Variants in BTN2A2 observed in about 807,000 individuals in gnomAD.
BTN2A2 encodes the protein butyrophilin subfamily 2 member A2, also known as butyrophilin 2.
Under a neutral mutation model 34.7 loss-of-function variants are expected in BTN2A2, and 29 were observed. That is an observed-to-expected ratio of 0.84 (90% confidence interval 0.62 to 1.14). The LOEUF is 1.14. Among genes scored for constraint, BTN2A2 ranks in the 50% most tolerant of loss-of-function variants. The probability of loss-of-function intolerance (pLI) is 0.00; values close to 1 mark genes in which losing one functional copy is unlikely to be tolerated. For missense variants in BTN2A2, 612 were observed against 651.5 expected (o/e 0.94, Z 0.66); for synonymous variants, 240 against 253.1 (o/e 0.95, Z 0.49).
At chr6:26,385,521 G>A (rs550441521) in intron 3 of BTN2A2, 159 bp downstream of exon 3, 14 of 665,032 alleles carry the variant, frequency 2.1e-5, no homozygotes, top group South Asian at 4.0e-5. Flanking sequence ...CACATGAGTG[G>A]GTTTGCCCTG....
In BTN2A2 at chr6:26,393,432, G is replaced by A; in HGVS notation, c.*465G>A. ...CCAGATATGCAGATCAGAGATAGAG[G>A]AAGTGGAACCAGAGAGCTGGGAGGG... On this transcript the variant is annotated 3_prime_UTR_variant, in exon 8 of 8. Coordinates refer to ENST00000356709, the MANE Select transcript of BTN2A2 (RefSeq NM_006995.5). The A allele has an allele frequency of 2.8e-6, 3 of 1,088,016 alleles. No individual in the cohort carries two copies. The highest frequency in any genetic ancestry group is 3.4e-6 in the Non-Finnish European group (3 of 892,102). 67.4% of individuals were successfully genotyped at this position (1,088,016 alleles called of 1,614,324 possible).
chr6:26,390,580 ATGT>A, intron 5 of BTN2A2, 104 bp from the exon 6 acceptor site: 1 of 1,359,914 alleles, frequency 7.4e-7, no homozygotes, highest in Non-Finnish European at 1.0e-6. Flanking sequence ...ACGAAGGGTG[ATGT>A]TGGTGTTCAT....
In BTN2A2 at chr6:26,383,918, A is replaced by G. The variant is rs1462264085; in HGVS notation, c.94+3A>G. On this transcript the variant is annotated splice_donor_region_variant and intron_variant, in intron 2 of 7. Coordinates refer to ENST00000356709, the MANE Select transcript of BTN2A2 (RefSeq NM_006995.5). The surrounding 1 kb of genome is among the most constrained non-coding windows in gnomAD (Gnocchi z 4.4). ...CAGCCTGTGTGCACTGGTCTCAGGT[A>G]GGGATGTGTGTCACTTGCTGCTGTC... is the stretch of plus-strand genomic sequence containing the variant. 6.2e-7 allele frequency: 1 copy of G among 1,613,086 alleles called. No individual in the cohort carries two copies. The highest frequency in any genetic ancestry group is 8.5e-7 in the Non-Finnish European group (1 of 1,179,102).
At position 26,385,216 on chromosome 6, in the gene BTN2A2, G is replaced by A. The variant is rs1307252930; in HGVS notation, c.296G>A (p.Arg99Lys). The A allele has an allele frequency of 1.2e-6, 2 of 1,614,134 alleles. No homozygotes were observed. The highest frequency in any genetic ancestry group is 1.7e-6 in the Non-Finnish European group (2 of 1,180,030). Residue 99 changes from arginine (R) to lysine (K), a missense_variant, in exon 3 of 8, where the codon AGA becomes AAA. By Grantham distance (26) the Arg-to-Lys change is conservative. Coordinates refer to ENST00000356709, the MANE Select transcript of BTN2A2 (RefSeq NM_006995.5). ...TEEQMEEYRG[R>K]ITFVSKDINR... ...GAGCAGATGGAGGAGTACCGGGGAA[G>A]AATCACCTTTGTGAGCAAAGACATC...
chr6:26,394,363 G>A lies in BTN2A2; in HGVS notation c.*1396G>A, dbSNP rs567114796. 114 of 697,598 alleles carry A rather than the reference G, an allele frequency of 1.6e-4. 1 individual carries two copies. In the South Asian group the frequency reaches 1.6e-3, roughly 10 times the overall value. 43.2% of individuals were successfully genotyped at this position (697,598 alleles called of 1,614,324 possible). On this transcript the variant is annotated 3_prime_UTR_variant, in exon 8 of 8. Coordinates refer to ENST00000356709, the MANE Select transcript of BTN2A2 (RefSeq NM_006995.5). ...TACAACATTATTTCTGGGTGTGTCT[G>A]TGAGTGTGTTTCCAGAAGAGATTGG...
At position 26,388,248 on chromosome 6, in the gene BTN2A2, C is replaced by T. The variant is rs773031451; in HGVS notation, c.678C>T (p.Asn226=). Residue 226 remains asparagine, a synonymous_variant, in exon 4 of 8, where the codon AAC becomes AAT. Transcript: ENST00000356709. ...KYVRNVSCSV[N]NTLLGQEKET... ...TGAGGAATGTGTCCTGCTCTGTCAA[C>T]AACACCCTGCTCGGCCAGGAGAAGG... 1 of 1,614,216 alleles carries T rather than the reference C, an allele frequency of 6.2e-7. No homozygotes were observed. The highest frequency in any genetic ancestry group is 1.1e-5 in the South Asian group (1 of 91,088).
At position 26,392,681 on chromosome 6, in the gene BTN2A2, C is replaced by T; in HGVS notation, c.1286C>T (p.Ala429Val). The T allele has an allele frequency of 6.2e-7, 1 of 1,614,174 alleles. No homozygotes were observed. Among genetic ancestry groups the T allele is most frequent in the Non-Finnish European group, 8.5e-7 (1 of 1,180,018 alleles). ...TLEMFGNQYR[A>V]LSSPERILPL... ...GAGATGTTTGGAAACCAATACCGGG[C>T]CCTGTCCTCCCCTGAGAGGATTCTC... The change falls in exon 8 of 8, where the codon GCC (alanine) becomes GTC (valine). Residue 429 changes from alanine (A) to valine (V), a missense_variant. Coordinates refer to ENST00000356709, the MANE Select transcript of BTN2A2 (RefSeq NM_006995.5).
chr6:26,389,867 C>T lies in BTN2A2; in HGVS notation c.725-138C>T, dbSNP rs375255986. 2.1e-4 allele frequency: 171 copies of T among 806,728 alleles called. 1 individual carries two copies. In the African/African-American group the frequency reaches 2.6e-3, roughly 12 times the overall value. 50.0% of individuals were successfully genotyped at this position (806,728 alleles called of 1,614,324 possible). A position where few individuals can be genotyped will look rare whatever the true frequency, so the allele number is the denominator to read the frequency against. On this transcript the variant is annotated intron_variant, in intron 4 of 7. Transcript: ENST00000356709. Reference sequence around the variant, plus strand: ...GTGTCAGCCAGTGTTGAGCCAGCATCGCTTTCTCCATCTAAGGTTTCTGAG... The same window carrying T: ...GTGTCAGCCAGTGTTGAGCCAGCATTGCTTTCTCCATCTAAGGTTTCTGAG...
At position 26,394,051 on chromosome 6, in the gene BTN2A2, A is replaced by T; in HGVS notation, c.*1084A>T. 1 of 400,980 alleles carries T rather than the reference A, an allele frequency of 2.5e-6. No individual in the cohort carries two copies. The highest frequency in any genetic ancestry group is 4.4e-6 in the Non-Finnish European group (1 of 226,582). The allele number at this position is 400,980 out of a possible 1,614,324, so 24.8% of individuals were successfully genotyped here. Reference sequence around the variant, plus strand: ...CTTAATAAGAGATATTTGTATTATCATATCTGCCTTTGTATTAAACCTATT... The same window carrying T: ...CTTAATAAGAGATATTTGTATTATCTTATCTGCCTTTGTATTAAACCTATT... On this transcript the variant is annotated 3_prime_UTR_variant, in exon 8 of 8. Transcript: ENST00000356709.
Position 26,383,298 on chromosome 6 carries a change from A to T in BTN2A2, c.-31+117A>T, listed in dbSNP as rs1351837143. ...AGGATCAGAGGGGAAAAGAAAACAG[A>T]GGTTAGTTCTAGAAGGTAGGAAAGG... is the stretch of plus-strand genomic sequence containing the variant. On this transcript the variant is annotated intron_variant, in intron 1 of 7. Transcript: ENST00000356709. The surrounding 1 kb of genome is among the most constrained non-coding windows in gnomAD (Gnocchi z 4.4). The T allele has an allele frequency of 1.2e-5, 1 of 86,590 alleles. No homozygotes were observed. Among genetic ancestry groups the T allele is most frequent in the African/African-American group, 1.4e-4 (1 of 7,014 alleles). 5.4% of individuals were successfully genotyped at this position (86,590 alleles called of 1,614,324 possible). A position where few individuals can be genotyped will look rare whatever the true frequency, so the allele number is the denominator to read the frequency against.
intron 3 of BTN2A2, chr6:26,385,574 A>T (rs1162002664): frequency 4.5e-5 from 24 of 535,744 alleles, no homozygotes; most frequent in Non-Finnish European, 7.9e-5. Flanking sequence ...TTTTCAAGAC[A>T]GAGTCTTGCT....
intron 3 of BTN2A2, 88 bp from the exon 4 acceptor site, chr6:26,387,925 C>A: frequency 7.1e-7 from 1 of 1,405,986 alleles, no homozygotes; most frequent in Non-Finnish European, 9.7e-7. Context: ...TCTCCAAAAC[C>A]AAGGGTCTTT....
Position 26,387,032 on chromosome 6 carries a change from C to A in BTN2A2, c.443-981C>A, listed in dbSNP as rs1054075394. ...GAGAAGTTTGGATGATCACGCATGG[C>A]TGAAGGGTCTCCCAGGACCATGCTT... On this transcript the variant is annotated intron_variant, in intron 3 of 7. Coordinates refer to ENST00000356709, the MANE Select transcript of BTN2A2 (RefSeq NM_006995.5). Among the ~76,000 whole-genome samples, 4 of 152,236 alleles carry A rather than the reference C, an allele frequency of 2.6e-5. No homozygotes were observed. In the South Asian group the frequency reaches 8.3e-4, roughly 32 times the overall value.
rs770311247 is a variant in BTN2A2 at position 26,385,335 on chromosome 6, G to A, written c.415G>A (p.Glu139Lys). The A allele has an allele frequency of 3.1e-6, 5 of 1,613,872 alleles. No individual in the cohort carries two copies. The highest frequency in any genetic ancestry group is 4.2e-6 in the Non-Finnish European group (5 of 1,179,830). Reference protein sequence around the residue: ...CYFQEGRSYDEAILRLVVAGL... With the variant: ...CYFQEGRSYDKAILRLVVAGL... ...CTTCCAAGAAGGCAGGTCCTACGAT[G>A]AGGCCATCCTACGCCTCGTGGTGGC... Residue 139 changes from glutamate (E) to lysine (K), a missense_variant, in exon 3 of 8, where the codon GAG (glutamate) becomes AAG (lysine). By Grantham distance (56) the Glu-to-Lys change is moderately conservative. Transcript: ENST00000356709.
At position 26,384,941 on chromosome 6, in the gene BTN2A2, T is replaced by C; in HGVS notation, c.95-74T>C. On this transcript the variant is annotated intron_variant, in intron 2 of 7. Coordinates refer to ENST00000356709, the MANE Select transcript of BTN2A2 (RefSeq NM_006995.5). The surrounding 1 kb of genome is among the most constrained non-coding windows in gnomAD (Gnocchi z 4.0). ...GGAGTTTTTTTTGTTTGTTTGTTTT[T>C]GTTTTTTGTTTTTTGTTTTGCCTTA... 7.2e-7 allele frequency: 1 copy of C among 1,396,312 alleles called. No homozygotes were observed. Among genetic ancestry groups the C allele is most frequent in the Non-Finnish European group, 9.6e-7 (1 of 1,044,656 alleles). 86.5% of individuals were successfully genotyped at this position (1,396,312 alleles called of 1,614,324 possible).
rs1398563056 is a variant in BTN2A2, at chr6:26,384,967, G to C, written c.95-48G>C. ...GTTTTTTGTTTTTTGTTTTGCCTTAGAGTTGTGATAACTGGCATCCTTGTC... is the reference window on the plus strand; with the variant it reads ...GTTTTTTGTTTTTTGTTTTGCCTTACAGTTGTGATAACTGGCATCCTTGTC... On this transcript the variant is annotated intron_variant, in intron 2 of 7. Coordinates refer to ENST00000356709, the MANE Select transcript of BTN2A2 (RefSeq NM_006995.5). The surrounding 1 kb of genome is among the most constrained non-coding windows in gnomAD (Gnocchi z 4.0). The C allele has an allele frequency of 6.4e-7, 1 of 1,566,186 alleles. No individual in the cohort carries two copies. The highest frequency in any genetic ancestry group is 8.7e-7 in the Non-Finnish European group (1 of 1,146,798).
rs73736235 is a variant in BTN2A2, at chr6:26,384,982, G to T, written c.95-33G>T. On this transcript the variant is annotated intron_variant, in intron 2 of 7. Coordinates refer to ENST00000356709, the MANE Select transcript of BTN2A2 (RefSeq NM_006995.5). This position sits in a 1 kb window ranked among gnomAD's most constrained non-coding sequence, Gnocchi z 4.0. Reference sequence around the variant, plus strand: ...TTTTGCCTTAGAGTTGTGATAACTGGCATCCTTGTCTGATTCTGCCCTTGT... The same window carrying T: ...TTTTGCCTTAGAGTTGTGATAACTGTCATCCTTGTCTGATTCTGCCCTTGT... 1.3e-6 allele frequency: 2 copies of T among 1,588,682 alleles called. No individual in the cohort carries two copies. Among genetic ancestry groups the T allele is most frequent in the Non-Finnish European group, 1.7e-6 (2 of 1,160,978 alleles).
chr6:26,394,355 G>A lies in BTN2A2; in HGVS notation c.*1388G>A. 1 of 699,614 alleles carries A rather than the reference G, an allele frequency of 1.4e-6. No homozygotes were observed. Among genetic ancestry groups the A allele is most frequent in the East Asian group, 2.7e-5 (1 of 37,212 alleles). 43.3% of individuals were successfully genotyped at this position (699,614 alleles called of 1,614,324 possible). A position where few individuals can be genotyped will look rare whatever the true frequency, so the allele number is the denominator to read the frequency against. ...ACAGCTGGTACAACATTATTTCTGGGTGTGTCTGTGAGTGTGTTTCCAGAA... is the reference window on the plus strand; with the variant it reads ...ACAGCTGGTACAACATTATTTCTGGATGTGTCTGTGAGTGTGTTTCCAGAA... On this transcript the variant is annotated 3_prime_UTR_variant, in exon 8 of 8. Coordinates refer to ENST00000356709, the MANE Select transcript of BTN2A2 (RefSeq NM_006995.5).
rs929655755 is a variant in BTN2A2 at position 26,383,367 on chromosome 6, G to T, written c.-31+186G>T. 39 of 169,080 alleles carry T rather than the reference G, an allele frequency of 2.3e-4. No individual in the cohort carries two copies. Among genetic ancestry groups the T allele is most frequent in the Admixed American group, 1.8e-3 (29 of 16,546 alleles). The allele number at this position is 169,080 out of a possible 1,614,324, so 10.5% of individuals were successfully genotyped here. A position where few individuals can be genotyped will look rare whatever the true frequency, so the allele number is the denominator to read the frequency against. ...TCCGGGGTGGGGGCGGTAGCTGGGG[G>T]CGGTAGGTGCGGGGAGCGGGATCTG... On this transcript the variant is annotated intron_variant, in intron 1 of 7. Coordinates refer to ENST00000356709, the MANE Select transcript of BTN2A2 (RefSeq NM_006995.5). This position sits in a 1 kb window ranked among gnomAD's most constrained non-coding sequence, Gnocchi z 4.4.
Sources: gnomAD v4.1 joint callset for allele counts (sites outside exome capture counted in the v4.1 genomes callset) on GRCh38, gnomAD v4.1.1 for gene constraint, Gnocchi (gnomAD v3.1) non-coding constraint, MANE v1.5 for transcripts, NCBI Gene and HGNC (gene_info 2026-07-23, HGNC 2026-07-21) for gene names.